Variants in SVIL observed in about 807,000 individuals in gnomAD.
SVIL encodes archvillin.
A neutral mutation model predicts 240.4 loss-of-function variants in SVIL; 101 were observed. The observed-to-expected ratio is 0.42, with a 90% confidence interval of 0.36 to 0.50. SVIL has a LOEUF of 0.50. SVIL is among the 20% of genes least tolerant of loss of function. SVIL has a pLI of 0.01. For missense variants in SVIL, 2,512 were observed against 2,818.7 expected (o/e 0.89, Z 2.46); for synonymous variants, 999 against 1,100.0 (o/e 0.91, Z 1.82).
At chr10:29,574,623 T>C (rs934879100) in intron 1 of SVIL, among the ~76,000 whole-genome samples, 2 of 152,192 alleles carry the variant, frequency 1.3e-5, no homozygotes, top group African/African-American at 4.8e-5. Context: ...ACAAAGCTTG[T>C]GGCGTGGAAG....
At position 29,616,188 on chromosome 10, in the gene SVIL, C is replaced by T. The variant is rs188656594; in HGVS notation, c.-201+18232G>A. On this transcript the variant is annotated intron_variant, in intron 1 of 37. Coordinates refer to ENST00000355867, the MANE Select transcript of SVIL (RefSeq NM_021738.3). ...AAGTAGCTGGGACTACAGGTGTGTG[C>T]CACCTTGCCCAGCTAATTTTTGTAT... Among the ~76,000 whole-genome samples the T allele has an allele frequency of 6.3e-3, 962 of 152,280 alleles. 9 individuals carry two copies. Among genetic ancestry groups the T allele is most frequent in the Middle Eastern group, 0.024 (7 of 294 alleles).
intron 1 of SVIL, among the ~76,000 whole-genome samples, chr10:29,591,707 A>G (rs1460319314): frequency 6.6e-6 from 1 of 152,210 alleles, no homozygotes; most frequent in Non-Finnish European, 1.5e-5. Context: ...TCCTTCCAGC[A>G]CATTAGGTGC....
chr10:29,685,511 G>A (rs1564762197), intron 2 of SVIL, among the ~76,000 whole-genome samples: 1 of 152,162 alleles, frequency 6.6e-6, no homozygotes, highest in Non-Finnish European at 1.5e-5. Context: ...TGCTTTCCAC[G>A]ATGAACTAAT....
At chr10:29,598,927 A>G (rs944022126) in intron 1 of SVIL, among the ~76,000 whole-genome samples, 2 of 152,236 alleles carry the variant, frequency 1.3e-5, no homozygotes, top group Admixed American at 1.3e-4. Flanking sequence ...GATTTGGAAC[A>G]TGAGCTAATG....
chr10:29,458,694 G>C, intron 36 of SVIL, 105 bp from the exon 37 acceptor site: 2 of 1,209,416 alleles, frequency 1.7e-6, no homozygotes, highest in Non-Finnish European at 2.3e-6. Context: ...CATACTGCCT[G>C]AGGATGCATA....
rs574391260 is a variant in SVIL, at chr10:29,484,897, C to G, written c.4780-66G>C. The G allele has an allele frequency of 6.7e-7, 1 of 1,498,428 alleles. No individual in the cohort carries two copies. The highest frequency in any genetic ancestry group is 1.9e-5 in the Admixed American group (1 of 51,392). The allele number at this position is 1,498,428 out of a possible 1,614,324, so 92.8% of individuals were successfully genotyped here. The stretch of plus-strand genomic sequence containing the variant: ...CATGCAACAGTTGAATCAGGTGCAA[C>G]AGGGTCTCTTGTTGACAGTGAGTCA... On this transcript the variant is annotated intron_variant, in intron 26 of 37. Transcript: ENST00000355867. This position sits in a 1 kb window ranked among gnomAD's most constrained non-coding sequence, Gnocchi z 4.7.
rs146015061 is a variant in SVIL at position 29,486,191 on chromosome 10, G to T, written c.4673C>A (p.Ala1558Asp). ...GTAAATGCAGTTAGTTTCTATTATGGCTGCTTCATAGAGTTCATCTTCTTT... is the reference window on the plus strand; with the variant it reads ...GTAAATGCAGTTAGTTTCTATTATGTCTGCTTCATAGAGTTCATCTTCTTT... ...DPKEDELYEA[A>D]IIETNCIYRL... Residue 1558 changes from alanine (A) to aspartate (D), a missense_variant, in exon 26 of 38, where the codon GCC becomes GAC. This residue lies in a region of SVIL where 797 missense variants were observed against 925.3 expected (regional missense o/e 0.86). Transcript: ENST00000355867. 1.9e-6 allele frequency: 3 copies of T among 1,614,168 alleles called. No individual in the cohort carries two copies. The African/African-American group carries it at 4.0e-5, about 22-fold the overall frequency.
chr10:29,564,001 C>A (rs1243065137), intron 2 of SVIL, among the ~76,000 whole-genome samples: 1 of 152,102 alleles, frequency 6.6e-6, no homozygotes, highest in Non-Finnish European at 1.5e-5. Context: ...CTAAGAGGTA[C>A]GAACTACTCA....
At chr10:29,670,781 G>T (rs531057373) in intron 2 of SVIL, among the ~76,000 whole-genome samples, 2 of 152,282 alleles carry the variant, frequency 1.3e-5, no homozygotes, top group East Asian at 1.9e-4. Context: ...AGCCAGCAAG[G>T]CTCAGCCTCC....
chr10:29,726,456 GCTAA>G (rs1253218055), intron 1 of SVIL, among the ~76,000 whole-genome samples: 1 of 152,058 alleles, frequency 6.6e-6, no homozygotes, highest in Non-Finnish European at 1.5e-5. Context: ...AAAAAGCTGT[GCTAA>G]CTGTGGCCGG....
rs113920740 is a variant in SVIL at position 29,462,434 on chromosome 10, C to T, written c.6278-33G>A. 14 of 1,595,838 alleles carry T rather than the reference C, an allele frequency of 8.8e-6. No homozygotes were observed. In the Middle Eastern group the frequency reaches 1.2e-3, roughly 134 times the overall value. Reference sequence around the variant, plus strand: ...TACACAGATTGCAATGTCAGTAGACCCCAGGGAGACCCTGTCTTTCTCTGA... The same window carrying T: ...TACACAGATTGCAATGTCAGTAGACTCCAGGGAGACCCTGTCTTTCTCTGA... On this transcript the variant is annotated intron_variant, in intron 35 of 37. Coordinates refer to ENST00000355867, the MANE Select transcript of SVIL (RefSeq NM_021738.3).
At chr10:29,709,623 G>A (rs1468087252) in intron 1 of SVIL, among the ~76,000 whole-genome samples, 2 of 152,186 alleles carry the variant, frequency 1.3e-5, no homozygotes, top group Non-Finnish European at 1.5e-5. Flanking sequence ...TCACCAGCTT[G>A]TGCCTGCAGC....
rs1425059361 is a variant in SVIL at position 29,550,836 on chromosome 10, C to T, written c.588G>A (p.Pro196=). The T allele has an allele frequency of 3.1e-6, 5 of 1,613,982 alleles. No individual in the cohort carries two copies. The highest frequency in any genetic ancestry group is 2.7e-5 in the African/African-American group (2 of 74,888). The stretch of plus-strand genomic sequence containing the variant: ...GGTTTTCTATGTTCAGCAGCACCTC[C>T]GGGTCGGAAGAGCCGTCACCCACAT... ...ALHVGDGSSD[P]EVLLNIENQR... is the part of the protein sequence containing the mutation. Residue 196 remains proline, a synonymous_variant, in exon 6 of 38, where the codon CCG becomes CCA. Coordinates refer to ENST00000355867, the MANE Select transcript of SVIL (RefSeq NM_021738.3).
At position 29,478,762 on chromosome 10, in the gene SVIL, A is replaced by G. The variant is rs1946480737; in HGVS notation, c.5377+1775T>C. Among the ~76,000 whole-genome samples, 4 of 151,700 alleles carry G rather than the reference A, an allele frequency of 2.6e-5. No homozygotes were observed. In the South Asian group the frequency reaches 8.3e-4, roughly 32 times the overall value. ...ATAGTGAGACCTCATCTCTTAAAAA[A>G]AAAAAGAAAAAATTAGCTTGATAAT... On this transcript the variant is annotated intron_variant, in intron 29 of 37. Transcript: ENST00000355867.
At chr10:29,535,842 A>G (rs1474646789) in intron 7 of SVIL, 147 bp downstream of exon 7, 2 of 746,772 alleles carry the variant, frequency 2.7e-6, no homozygotes, top group Non-Finnish European at 2.3e-6. Flanking sequence ...GGGGAAAAGC[A>G]AATGATTAGA....
Position 29,634,768 on chromosome 10 carries a change from G to C in SVIL, c.-549C>G, listed in dbSNP as rs1008514292. 4 of 152,128 alleles carry C rather than the reference G, an allele frequency of 2.6e-5. No homozygotes were observed. Among genetic ancestry groups the C allele is most frequent in the African/African-American group, 9.7e-5 (4 of 41,418 alleles). 9.4% of individuals were successfully genotyped at this position (152,128 alleles called of 1,614,324 possible). On this transcript the variant is annotated 5_prime_UTR_variant, in exon 1 of 38. Coordinates refer to ENST00000355867, the MANE Select transcript of SVIL (RefSeq NM_021738.3). ...TTTTGGATGTCAAATTCAGGAAACAGGTAAAGGCTACATCCCAAAAGTTCC... is the reference window on the plus strand; with the variant it reads ...TTTTGGATGTCAAATTCAGGAAACACGTAAAGGCTACATCCCAAAAGTTCC...
intron 1 of SVIL, among the ~76,000 whole-genome samples, chr10:29,699,081 A>T (rs1962306087): frequency 6.6e-6 from 1 of 152,180 alleles, no homozygotes; most frequent in African/African-American, 2.4e-5. Context: ...TAATAGCTGA[A>T]TACATGAACA....
chr10:29,632,354 A>T (rs1041861966), intron 1 of SVIL, among the ~76,000 whole-genome samples: 5 of 151,976 alleles, frequency 3.3e-5, no homozygotes, highest in Non-Finnish European at 1.5e-5. Flanking sequence ...AGCTGGGCGC[A>T]GTGGCATATG....
At chr10:29,462,240 C>T in intron 36 of SVIL, 37 bp downstream of exon 36, 2 of 1,606,136 alleles carry the variant, frequency 1.2e-6, no homozygotes, top group Non-Finnish European at 1.7e-6. Context: ...CCAAAAGGCG[C>T]AGGAGCCACC....
Sources: allele counts gnomAD v4.1 joint callset (sites outside exome capture counted in the v4.1 genomes callset), GRCh38; gene constraint gnomAD v4.1.1; regional missense constraint gnomAD v4.1.1; non-coding constraint Gnocchi (gnomAD v3.1); transcripts MANE v1.5; gene names NCBI Gene and HGNC (gene_info 2026-07-23, HGNC 2026-07-21).